TMEFF2: variants seen among roughly 807,000 people sequenced by gnomAD.
The protein encoded by TMEFF2 is transmembrane protein with EGF like and two follistatin like domains 2.
TMEFF2 carries 28 observed loss-of-function variants against 53.8 expected under a neutral mutation model. That is an observed-to-expected ratio of 0.52 (90% CI 0.39 to 0.71). The LOEUF (loss-of-function observed/expected upper bound fraction) is 0.71. Among genes scored for constraint, TMEFF2 ranks in the 30% least tolerant of loss-of-function variants. The pLI, the probability that TMEFF2 is intolerant of heterozygous loss-of-function variation, is 0.00. For missense variants in TMEFF2, 353 were observed against 455.2 expected (o/e 0.78, Z 2.04); for synonymous variants, 162 against 166.3 (o/e 0.97, Z 0.20).
intron 7 of TMEFF2, among the ~76,000 whole-genome samples, chr2:191,995,848 A>G (rs1686209919): frequency 6.6e-6 from 1 of 152,036 alleles, no homozygotes; most frequent in Non-Finnish European, 1.5e-5. Flanking sequence ...GGATTTCAAC[A>G]AACATGTATT....
At chr2:192,078,267 T>C (rs1262761262) in intron 4 of TMEFF2, among the ~76,000 whole-genome samples, 2 of 152,170 alleles carry the variant, frequency 1.3e-5, no homozygotes, top group Non-Finnish European at 1.5e-5. Context: ...ACAGTACTGA[T>C]TGCAGGGATA....
intron 4 of TMEFF2, among the ~76,000 whole-genome samples, chr2:192,075,310 T>TATATATAAATATAAATATAA (rs1553518819): frequency 9.3e-5 from 7 of 74,914 alleles, no homozygotes; most frequent in Non-Finnish European, 1.9e-4. Context: ...TATATATATA[T>TATATATAAATATAAATATAA]ATATATATAT....
chr2:191,969,590 G>A (rs1470982446), intron 7 of TMEFF2, among the ~76,000 whole-genome samples: 3 of 152,154 alleles, frequency 2.0e-5, no homozygotes, highest in Admixed American at 6.5e-5. Flanking sequence ...TGGTGTGAAA[G>A]GTCAAGCATA....
At chr2:192,133,518 T>C (rs1689912742) in intron 4 of TMEFF2, among the ~76,000 whole-genome samples, 2 of 152,216 alleles carry the variant, frequency 1.3e-5, no homozygotes, top group Non-Finnish European at 2.9e-5. Context: ...TTAGCTGTCC[T>C]AAAACCAGAC....
At chr2:192,055,268 A>G (rs1687874997) in intron 5 of TMEFF2, among the ~76,000 whole-genome samples, 1 of 152,188 alleles carries the variant, frequency 6.6e-6, no homozygotes, top group South Asian at 2.1e-4. Context: ...TTAGTCATTT[A>G]TTTTAGAGTA....
intron 4 of TMEFF2, among the ~76,000 whole-genome samples, chr2:192,127,868 C>A (rs1013625955): frequency 6.6e-6 from 1 of 152,164 alleles, no homozygotes; most frequent in African/African-American, 2.4e-5. Flanking sequence ...TCAACTTACA[C>A]TATTACATTC....
intron 5 of TMEFF2, among the ~76,000 whole-genome samples, chr2:192,033,775 C>G (rs755242056): frequency 8.5e-5 from 13 of 152,318 alleles, no homozygotes; most frequent in Non-Finnish European, 1.9e-4. Context: ...GGCTACAACT[C>G]AGTCACAAAT....
intron 5 of TMEFF2, among the ~76,000 whole-genome samples, chr2:192,050,309 A>G (rs909213674): frequency 4.6e-5 from 7 of 152,198 alleles, no homozygotes; most frequent in South Asian, 2.1e-4. Context: ...TGTGATAGCT[A>G]GTACAGTTGA....
intron 4 of TMEFF2, among the ~76,000 whole-genome samples, chr2:192,139,011 G>T (rs1690075234): frequency 6.6e-6 from 1 of 152,228 alleles, no homozygotes; most frequent in Middle Eastern, 3.4e-3. Context: ...GAAAAATAAA[G>T]AATCTGTATC....
chr2:191,975,248 A>ATT (rs1278336639), intron 7 of TMEFF2, among the ~76,000 whole-genome samples: 1 of 108,584 alleles, frequency 9.2e-6, no homozygotes, highest in Non-Finnish European at 1.9e-5. Context: ...TCATCAGGTG[A>ATT]TTTTTTTCTT....
At chr2:192,158,485 T>G (rs1020411830) in intron 4 of TMEFF2, among the ~76,000 whole-genome samples, 2 of 152,272 alleles carry the variant, frequency 1.3e-5, no homozygotes, top group African/African-American at 4.8e-5. Flanking sequence ...CACTATGCGA[T>G]ATTCAGTAGA....
intron 4 of TMEFF2, among the ~76,000 whole-genome samples, chr2:192,085,986 C>A (rs573089432): frequency 6.6e-6 from 1 of 152,240 alleles, no homozygotes; most frequent in East Asian, 1.9e-4. Flanking sequence ...TTACCTTTTT[C>A]TGTGTGTCAA....
At chr2:192,090,199 GGCCTAGTGGTGCCTA>G (rs1688759862) in intron 4 of TMEFF2, among the ~76,000 whole-genome samples, 1 of 152,048 alleles carries the variant, frequency 6.6e-6, no homozygotes, top group South Asian at 2.1e-4. Context: ...AGTGTGCCTT[GGCCTAGTGGTGCCTA>G]GCCTAGTGCT....
chr2:192,075,285 T>TTATATATATATA (rs111733023), intron 4 of TMEFF2, among the ~76,000 whole-genome samples: 3 of 65,774 alleles, frequency 4.6e-5, no homozygotes, highest in African/African-American at 1.2e-4. Flanking sequence ...TACAGTACTA[T>TTATATATATATA]TATATATATA....
At position 191,981,700 on chromosome 2, in the gene TMEFF2, T is replaced by C. The variant is rs145725210; in HGVS notation, c.745+16562A>G. Among the ~76,000 whole-genome samples the C allele has an allele frequency of 1.9e-3, 297 of 152,314 alleles. 5 individuals are homozygous for C. The highest frequency in any genetic ancestry group is 4.1e-4 in the Non-Finnish European group (28 of 68,028). ...TAACATGGGTTTCTGAATATAAAGT[T>C]AGAGAAGCTTGGGTGCAGTTTGCCC... On this transcript the variant is annotated intron_variant, in intron 7 of 9. Coordinates refer to ENST00000272771, the MANE Select transcript of TMEFF2 (RefSeq NM_016192.4).
intron 4 of TMEFF2, among the ~76,000 whole-genome samples, chr2:192,156,580 T>A (rs1690511155): frequency 6.6e-6 from 1 of 152,044 alleles, no homozygotes; most frequent in African/African-American, 2.4e-5. Context: ...CATTGGTACC[T>A]TGTCTTTAAA....
At chr2:191,970,453 G>A (rs954767101) in intron 7 of TMEFF2, among the ~76,000 whole-genome samples, 4 of 151,752 alleles carry the variant, frequency 2.6e-5, no homozygotes, top group Non-Finnish European at 4.4e-5. Context: ...AAGGGAAGAC[G>A]CACAAGCAGA....
intron 4 of TMEFF2, among the ~76,000 whole-genome samples, chr2:192,067,089 T>C (rs988978290): frequency 6.6e-6 from 1 of 151,912 alleles, no homozygotes; most frequent in African/African-American, 2.4e-5. Flanking sequence ...CCAATACTTT[T>C]GCAAGATTTG....
At chr2:192,021,301 T>C (rs946034043) in intron 5 of TMEFF2, among the ~76,000 whole-genome samples, 1 of 152,124 alleles carries the variant, frequency 6.6e-6, no homozygotes, top group African/African-American at 2.4e-5. Context: ...ATTTTGATTA[T>C]TGAAGGTTCC....
Sources: gnomAD v4.1 joint callset for allele counts (sites outside exome capture counted in the v4.1 genomes callset) on GRCh38, gnomAD v4.1.1 for gene constraint, MANE v1.5 for transcripts, NCBI Gene and HGNC (gene_info 2026-07-23, HGNC 2026-07-21) for gene names.